PARD3B: variants seen among roughly 807,000 people sequenced by gnomAD.
The protein encoded by PARD3B is par-3 family cell polarity regulator beta.
PARD3B carries 103 observed loss-of-function variants against 130.2 expected under a neutral mutation model. The ratio of observed to expected loss-of-function variants is 0.79; its 90% CI spans 0.67 to 0.93. The LOEUF (loss-of-function observed/expected upper bound fraction) is 0.93, where lower values mean the gene tolerates loss of function less well. PARD3B is among the 40% of genes least tolerant of loss of function. PARD3B has a pLI of 0.00. For missense variants in PARD3B, 1,609 were observed against 1,499.2 expected, an observed-to-expected ratio of 1.07 and a Z score of -1.21; for synonymous variants, 583 against 553.2, an observed-to-expected ratio of 1.05 and a Z score of -0.76.
chr2:205,440,277 C>T lies in PARD3B; in HGVS notation c.2742-93C>T, dbSNP rs776557758. The T allele has an allele frequency of 9.8e-5, 124 of 1,260,106 alleles. No individual in the cohort carries two copies. The highest frequency in any genetic ancestry group is 5.1e-4 in the African/African-American group (34 of 66,754). 78.1% of individuals were successfully genotyped at this position (1,260,106 alleles called of 1,614,324 possible). A position where few individuals can be genotyped will look rare whatever the true frequency, so the allele number is the denominator to read the frequency against. ...AAACAGGAGAATGACAGCTAAGAGA[C>T]GAGGAAGAGTTAACATAAATTCAAG... On this transcript the variant is annotated intron_variant, in intron 19 of 22. Transcript: ENST00000406610. This position sits in a 1 kb window ranked among gnomAD's most constrained non-coding sequence, Gnocchi z 4.2.
At chr2:205,519,550 C>G (rs550379525) in intron 21 of PARD3B, among the ~76,000 whole-genome samples, 1 of 152,270 alleles carries the variant, frequency 6.6e-6, no homozygotes, top group African/African-American at 2.4e-5. Context: ...ATCTTCATTC[C>G]TATCCATATT....
intron 2 of PARD3B, among the ~76,000 whole-genome samples, chr2:204,715,445 C>T (rs2038672571): frequency 1.3e-5 from 2 of 150,174 alleles, no homozygotes; most frequent in Admixed American, 1.3e-4. Flanking sequence ...CAGGCTATTT[C>T]AGTTTATTCA....
intron 2 of PARD3B, among the ~76,000 whole-genome samples, chr2:204,873,692 C>T (rs2125652784): frequency 6.6e-6 from 1 of 152,288 alleles, no homozygotes; most frequent in Non-Finnish European, 1.5e-5. Flanking sequence ...CTAGAAACAG[C>T]CCTGGGTAGG....
At chr2:204,665,120 T>C (rs2035968906) in intron 1 of PARD3B, among the ~76,000 whole-genome samples, 4 of 151,952 alleles carry the variant, frequency 2.6e-5, no homozygotes, top group Non-Finnish European at 5.9e-5. Flanking sequence ...GTTTTTTTTT[T>C]TGTCTTTGTT....
intron 4 of PARD3B, among the ~76,000 whole-genome samples, chr2:205,057,404 TATATAC>T (rs1386455845): frequency 3.1e-4 from 42 of 134,230 alleles, no homozygotes; most frequent in African/African-American, 9.9e-4. Context: ...GTATATGTGT[TATATAC>T]ATATACATAT....
chr2:204,925,540 T>C lies in PARD3B; in HGVS notation c.223-39612T>C, dbSNP rs573630467. On this transcript the variant is annotated intron_variant, in intron 2 of 22. Transcript: ENST00000406610. ...GCTTATAAAATAAATAGGGTGATGA[T>C]TGAGAATTTAAAAATGAACAGGAAT... Among the ~76,000 whole-genome samples, 14 of 150,964 alleles carry C rather than the reference T, an allele frequency of 9.3e-5. No individual in the cohort carries two copies. In the South Asian group the frequency reaches 1.0e-3, roughly 11 times the overall value.
intron 2 of PARD3B, among the ~76,000 whole-genome samples, chr2:204,815,878 G>A (rs1196350933): frequency 1.3e-5 from 2 of 152,032 alleles, no homozygotes; most frequent in Non-Finnish European, 2.9e-5. Flanking sequence ...GAACATGCTT[G>A]TGTGACATGA....
chr2:204,788,954 G>A (rs2042105172), intron 2 of PARD3B, among the ~76,000 whole-genome samples: 1 of 152,004 alleles, frequency 6.6e-6, no homozygotes, highest in African/African-American at 2.4e-5. Context: ...TAGATTTTTA[G>A]AACTTTAGAC....
At chr2:204,714,025 A>G (rs949316090) in intron 2 of PARD3B, among the ~76,000 whole-genome samples, 2 of 152,186 alleles carry the variant, frequency 1.3e-5, no homozygotes, top group South Asian at 2.1e-4. Context: ...ATATGTATGC[A>G]CATTTATATT....
At chr2:204,899,280 G>T (rs1437198442) in intron 2 of PARD3B, among the ~76,000 whole-genome samples, 17 of 102,768 alleles carry the variant, frequency 1.7e-4, no homozygotes, top group African/African-American at 7.0e-4. Context: ...CTTCCTTCCT[G>T]TCTTCCTTCC....
At chr2:205,425,133 A>G (rs1017024362) in intron 19 of PARD3B, among the ~76,000 whole-genome samples, 22 of 152,170 alleles carry the variant, frequency 1.4e-4, no homozygotes, top group African/African-American at 5.3e-4. Context: ...CACCTTTTGT[A>G]GGGGGACTGT....
intron 2 of PARD3B, among the ~76,000 whole-genome samples, chr2:204,776,925 A>G (rs2041647362): frequency 6.6e-6 from 1 of 151,996 alleles, no homozygotes; most frequent in Non-Finnish European, 1.5e-5. Flanking sequence ...AGGAGTGTGT[A>G]TGTGATATGG....
chr2:205,578,114 A>G (rs2053828960), intron 22 of PARD3B, among the ~76,000 whole-genome samples: 1 of 152,140 alleles, frequency 6.6e-6, no homozygotes, highest in Non-Finnish European at 1.5e-5. Flanking sequence ...GGCCCTGCTC[A>G]TTGGCCCCTG....
intron 4 of PARD3B, among the ~76,000 whole-genome samples, chr2:205,097,770 C>G (rs1702487385): frequency 6.6e-6 from 1 of 151,942 alleles, no homozygotes. Flanking sequence ...TTTAATTTAG[C>G]ACTTTTATAT....
At chr2:205,156,327 G>A (rs1380000610) in intron 10 of PARD3B, among the ~76,000 whole-genome samples, 1 of 151,234 alleles carries the variant, frequency 6.6e-6, no homozygotes, top group African/African-American at 2.4e-5. Flanking sequence ...ACGAGTTAAT[G>A]GGTGCAGCAC....
At chr2:205,403,841 T>C (rs2046331473) in intron 19 of PARD3B, among the ~76,000 whole-genome samples, 1 of 152,160 alleles carries the variant, frequency 6.6e-6, no homozygotes, top group Non-Finnish European at 1.5e-5. Context: ...AAGGACTGAG[T>C]GGCCCAGTCT....
chr2:204,642,361 T>C (rs1021873260), intron 1 of PARD3B, among the ~76,000 whole-genome samples: 5 of 152,194 alleles, frequency 3.3e-5, no homozygotes, highest in Non-Finnish European at 5.9e-5. Context: ...TTCTTCACAC[T>C]GGAAATTGGT....
intron 1 of PARD3B, among the ~76,000 whole-genome samples, chr2:204,600,837 A>AAT (rs1364620221): frequency 6.6e-6 from 1 of 151,880 alleles, no homozygotes; most frequent in Admixed American, 6.6e-5. Flanking sequence ...TATAGAATGT[A>AAT]ATATATATAC....
At chr2:204,655,811 C>T (rs34536834) in intron 1 of PARD3B, among the ~76,000 whole-genome samples, 4,733 of 152,124 alleles carry the variant, frequency 0.031, 104 homozygotes, top group Admixed American at 0.052. Context: ...CCTGCAAGTC[C>T]GTGGGTCAGC....
Sources: gnomAD v4.1 joint callset for allele counts (sites outside exome capture counted in the v4.1 genomes callset) on GRCh38, gnomAD v4.1.1 for gene constraint, Gnocchi (gnomAD v3.1) non-coding constraint, MANE v1.5 for transcripts, NCBI Gene and HGNC (gene_info 2026-07-23, HGNC 2026-07-21) for gene names.